Variants in TASP1 observed in about 807,000 individuals in gnomAD.
TASP1 encodes the protein threonine aspartase 1.
In TASP1, 16 loss-of-function variants were observed where a neutral mutation model predicts 56.6. The observed-to-expected ratio is 0.28, with a 90% CI of 0.19 to 0.43. TASP1 has a LOEUF of 0.43. Ranked by LOEUF, TASP1 falls within the 20% of genes least tolerant of loss-of-function variation. TASP1 has a pLI of 1.00. For synonymous variants in TASP1, 179 were observed against 184.2 expected, an observed-to-expected ratio of 0.97 and a Z score of 0.23; for missense variants, 393 against 511.6, an observed-to-expected ratio of 0.77 and a Z score of 2.24.
At chr20:13,523,471 A>C (rs1402338533) in intron 10 of TASP1, among the ~76,000 whole-genome samples, 2 of 152,186 alleles carry the variant, frequency 1.3e-5, no homozygotes, top group Admixed American at 6.5e-5. Flanking sequence ...TCTGGGCACG[A>C]GTTTTCTAAC....
At chr20:13,348,134 T>C in the TASP1 span, among the ~76,000 whole-genome samples, 1 of 152,136 alleles carries the variant, frequency 6.6e-6, no homozygotes, top group African/African-American at 2.4e-5. Flanking sequence ...TACCCTACAA[T>C]GCATCATCCA....
the TASP1 span, among the ~76,000 whole-genome samples, chr20:13,341,741 T>A: frequency 6.6e-6 from 1 of 152,228 alleles, no homozygotes; most frequent in African/African-American, 2.4e-5. Flanking sequence ...ATTCTGCAGA[T>A]GAGTTGGTTG....
intron 11 of TASP1, among the ~76,000 whole-genome samples, chr20:13,456,113 G>A (rs1600850910): frequency 6.6e-6 from 1 of 152,234 alleles, no homozygotes. Flanking sequence ...CACAATCAAA[G>A]CAATGGCTAC....
chr20:13,189,629 G>T, the TASP1 span, among the ~76,000 whole-genome samples: 1 of 152,000 alleles, frequency 6.6e-6, no homozygotes, highest in South Asian at 2.1e-4. Flanking sequence ...AATCAGAATG[G>T]CTATTATTAA....
the TASP1 span, among the ~76,000 whole-genome samples, chr20:13,350,140 CAAAACA>C: frequency 9.9e-5 from 15 of 151,856 alleles, no homozygotes; most frequent in African/African-American, 3.1e-4. Context: ...CTCAAAAAAA[CAAAACA>C]AAAACAAAAA....
chr20:13,638,321 C>T (rs746954693), intron 1 of TASP1, among the ~76,000 whole-genome samples: 3 of 152,058 alleles, frequency 2.0e-5, no homozygotes, highest in Non-Finnish European at 2.9e-5. Context: ...CTTCCGGAAA[C>T]ACGATACCCT....
chr20:13,403,243 T>TA (rs2041804063), intron 13 of TASP1, among the ~76,000 whole-genome samples: 2 of 152,154 alleles, frequency 1.3e-5, no homozygotes, highest in South Asian at 2.1e-4. Context: ...ACTTGCAAGT[T>TA]AGAGTTGCAT....
At chr20:13,547,287 A>G (rs1679817092) in intron 8 of TASP1, among the ~76,000 whole-genome samples, 1 of 152,222 alleles carries the variant, frequency 6.6e-6, no homozygotes, top group Non-Finnish European at 1.5e-5. Flanking sequence ...ACTAGAAGAA[A>G]GAAATTTGAT....
intron 13 of TASP1, among the ~76,000 whole-genome samples, chr20:13,399,905 G>A (rs1182744567): frequency 6.6e-6 from 1 of 152,094 alleles, no homozygotes; most frequent in Non-Finnish European, 1.5e-5. Context: ...AACACACCAG[G>A]CACACTCCTA....
the TASP1 span, among the ~76,000 whole-genome samples, chr20:13,335,328 A>G: frequency 1.7e-3 from 101 of 58,160 alleles, no homozygotes; most frequent in African/African-American, 0.023. Context: ...ACCTATGCAC[A>G]CACACACACA....
At chr20:13,105,765 G>A in the TASP1 span, among the ~76,000 whole-genome samples, 1 of 152,102 alleles carries the variant, frequency 6.6e-6, no homozygotes, top group Non-Finnish European at 1.5e-5. Flanking sequence ...GTCCCAAAGG[G>A]AAAACATTCT....
intron 10 of TASP1, among the ~76,000 whole-genome samples, chr20:13,504,301 A>G (rs558396744): frequency 1.2e-4 from 19 of 152,226 alleles, no homozygotes; most frequent in African/African-American, 4.6e-4. Context: ...AATGTATTTG[A>G]AGTGCCAGAA....
At chr20:13,111,030 T>A in the TASP1 span, among the ~76,000 whole-genome samples, 1 of 152,052 alleles carries the variant, frequency 6.6e-6, no homozygotes, top group Non-Finnish European at 1.5e-5. Flanking sequence ...CATGAGTGGA[T>A]AATGAGCAGC....
intron 12 of TASP1, among the ~76,000 whole-genome samples, chr20:13,430,210 C>T (rs888950506): frequency 3.9e-5 from 6 of 152,124 alleles, no homozygotes; most frequent in African/African-American, 1.2e-4. Context: ...GCTCATTAGA[C>T]GAAAGGGCTT....
the TASP1 span, among the ~76,000 whole-genome samples, chr20:13,149,712 C>G: frequency 6.6e-6 from 1 of 152,190 alleles, no homozygotes; most frequent in Non-Finnish European, 1.5e-5. Flanking sequence ...TCAGATACCC[C>G]TGGATATCAT....
At chr20:13,434,424 G>C (rs915362879) in intron 12 of TASP1, among the ~76,000 whole-genome samples, 2 of 152,102 alleles carry the variant, frequency 1.3e-5, no homozygotes, top group Admixed American at 6.5e-5. Flanking sequence ...GGTGGGCTGG[G>C]TTTCATCCCC....
At position 13,570,222 on chromosome 20, in the gene TASP1, G is replaced by A. The variant is rs376928229; in HGVS notation, c.489-636C>T. Among the ~76,000 whole-genome samples the A allele has an allele frequency of 2.6e-5, 4 of 152,056 alleles. No homozygotes were observed. The East Asian group carries it at 5.8e-4, about 22-fold the overall frequency. On this transcript the variant is annotated intron_variant, in intron 6 of 13. Coordinates refer to ENST00000337743, the MANE Select transcript of TASP1 (RefSeq NM_017714.3). ...ATTGCTAGCTAAATATAAAAGACTT[G>A]TTTTCAAAGATTTCAAATAGCATGT... is the stretch of plus-strand genomic sequence containing the variant.
At chr20:13,160,527 A>G in the TASP1 span, among the ~76,000 whole-genome samples, 1 of 152,230 alleles carries the variant, frequency 6.6e-6, no homozygotes, top group East Asian at 1.9e-4. Context: ...ACTAAGCAAC[A>G]TGTTGGAAAA....
chr20:13,331,450 G>A, the TASP1 span, among the ~76,000 whole-genome samples: 6 of 152,092 alleles, frequency 3.9e-5, no homozygotes, highest in Admixed American at 6.5e-5. Flanking sequence ...TAGAATAGAG[G>A]TGATTCTTTA....
Sources: allele counts gnomAD v4.1 joint callset (sites outside exome capture counted in the v4.1 genomes callset), GRCh38; gene constraint gnomAD v4.1.1; transcripts MANE v1.5; gene names NCBI Gene and HGNC (gene_info 2026-07-23, HGNC 2026-07-21).